CTNNA3: variants seen among roughly 807,000 people sequenced by gnomAD.
The protein encoded by CTNNA3 is catenin alpha 3.
CTNNA3 carries 76 observed loss-of-function variants against 95.7 expected under a neutral mutation model. That is an observed-to-expected ratio of 0.79 (90% CI 0.66 to 0.96). CTNNA3 has a LOEUF of 0.96. CTNNA3 is among the 40% of genes least tolerant of loss of function. CTNNA3 has a pLI of 0.00. For synonymous variants in CTNNA3, 431 were observed against 374.4 expected (o/e 1.15, Z -1.74); for missense variants, 1,191 against 1,089.8 (o/e 1.09, Z -1.31).
chr10:65,982,142 A>G (rs2078332534), intron 16 of CTNNA3, among the ~76,000 whole-genome samples: 1 of 151,794 alleles, frequency 6.6e-6, no homozygotes, highest in Non-Finnish European at 1.5e-5. Flanking sequence ...TAACTCAAAC[A>G]AATCAGCAAG....
chr10:66,683,612 G>T (rs1260127077), intron 9 of CTNNA3, among the ~76,000 whole-genome samples: 1 of 149,858 alleles, frequency 6.7e-6, no homozygotes, highest in Non-Finnish European at 1.5e-5. Flanking sequence ...CATTAATGCA[G>T]TAATGTGCTA....
intron 11 of CTNNA3, among the ~76,000 whole-genome samples, chr10:66,452,644 G>T (rs538657164): frequency 6.6e-6 from 1 of 152,100 alleles, no homozygotes; most frequent in Admixed American, 6.6e-5. Context: ...CAGAAATCAT[G>T]CAGCCAGAGG....
intron 7 of CTNNA3, among the ~76,000 whole-genome samples, chr10:66,891,007 T>C (rs934038942): frequency 6.6e-6 from 1 of 152,082 alleles, no homozygotes; most frequent in East Asian, 1.9e-4. Context: ...TAAGGTATAG[T>C]TCATATTAAA....
chr10:67,458,553 T>C (rs1002209719), intron 5 of CTNNA3, among the ~76,000 whole-genome samples: 2 of 151,910 alleles, frequency 1.3e-5, no homozygotes, highest in African/African-American at 4.8e-5. Context: ...CAGTGATGAA[T>C]CTCAAGGGAA....
At chr10:67,043,902 A>C (rs1299102625) in intron 7 of CTNNA3, among the ~76,000 whole-genome samples, 1 of 151,226 alleles carries the variant, frequency 6.6e-6, no homozygotes, top group East Asian at 2.0e-4. Flanking sequence ...CAATTGGAGA[A>C]TTTTAATGCA....
chr10:66,173,155 G>T (rs536711312), intron 13 of CTNNA3, among the ~76,000 whole-genome samples: 42 of 152,250 alleles, frequency 2.8e-4, no homozygotes, highest in African/African-American at 8.9e-4. Flanking sequence ...TTCACTAAGT[G>T]AATAAGAATA....
intron 6 of CTNNA3, among the ~76,000 whole-genome samples, chr10:67,206,656 C>A (rs73262298): frequency 6.7e-6 from 1 of 148,520 alleles, no homozygotes; most frequent in East Asian, 2.1e-4. Flanking sequence ...GAAGAAAAGA[C>A]CTTCAAAAAA....
intron 13 of CTNNA3, among the ~76,000 whole-genome samples, chr10:66,169,767 T>C (rs1002094822): frequency 6.6e-6 from 1 of 152,232 alleles, no homozygotes; most frequent in Non-Finnish European, 1.5e-5. Flanking sequence ...ATTTCCCTGA[T>C]CATTAGTGAT....
rs1025771850 is a variant in CTNNA3, at chr10:67,579,415, G to A, written c.292+27442C>T. Among the ~76,000 whole-genome samples the A allele has an allele frequency of 3.9e-4, 60 of 152,176 alleles. No homozygotes were observed. In the Middle Eastern group the frequency reaches 0.014, roughly 35 times the overall value. On this transcript the variant is annotated intron_variant, in intron 3 of 17. Transcript: ENST00000433211. ...TTTTTATGGCTGCATACTATTCCAT[G>A]GGGTATATGTGCCACATTTTCTTAA...
rs568489638 is a variant in CTNNA3 at position 66,083,624 on chromosome 10, G to T, written c.1978-14135C>A. Among the ~76,000 whole-genome samples the T allele has an allele frequency of 5.3e-5, 8 of 152,300 alleles. No individual in the cohort carries two copies. The South Asian group carries it at 1.7e-3, about 32-fold the overall frequency. On this transcript the variant is annotated intron_variant, in intron 14 of 17. Transcript: ENST00000433211. ...ACAGATGCAGAGTGATATGGTCTTG[G>T]TAAAGAGGCAACTAAGGTCTGGCTT...
chr10:67,316,996 T>G (rs1197170859), intron 5 of CTNNA3, among the ~76,000 whole-genome samples: 1 of 152,148 alleles, frequency 6.6e-6, no homozygotes, highest in Non-Finnish European at 1.5e-5. Context: ...TTAGCACACA[T>G]ATACCACCGA....
Position 66,199,399 on chromosome 10 carries a change from C to T in CTNNA3, c.1884+81071G>A, listed in dbSNP as rs1298140980. The stretch of plus-strand genomic sequence containing the variant: ...GTGTTTTTGTTTGTTTGTTTTTAAG[C>T]ACACAAAGGGAATGCATTTGTGTAT... On this transcript the variant is annotated intron_variant, in intron 13 of 17. Transcript: ENST00000433211. Among the ~76,000 whole-genome samples, 4 of 151,242 alleles carry T rather than the reference C, an allele frequency of 2.6e-5. No homozygotes were observed. In the South Asian group the frequency reaches 8.3e-4, roughly 32 times the overall value.
At chr10:66,299,380 G>A (rs1022478035) in intron 12 of CTNNA3, among the ~76,000 whole-genome samples, 7 of 152,126 alleles carry the variant, frequency 4.6e-5, no homozygotes, top group African/African-American at 1.7e-4. Context: ...TACCATGGGG[G>A]TAGAAGAATA....
At chr10:66,336,533 G>C (rs959020100) in intron 12 of CTNNA3, among the ~76,000 whole-genome samples, 2 of 152,162 alleles carry the variant, frequency 1.3e-5, no homozygotes, top group East Asian at 3.9e-4. Context: ...CATAGTTTAA[G>C]ACATTCCTTA....
chr10:66,348,012 C>T (rs180948173), intron 12 of CTNNA3, among the ~76,000 whole-genome samples: 31 of 152,062 alleles, frequency 2.0e-4, no homozygotes, highest in Admixed American at 6.5e-4. Context: ...AAAATGAATC[C>T]GCACTTAGAC....
At chr10:67,579,152 G>C (rs1000728259) in intron 3 of CTNNA3, among the ~76,000 whole-genome samples, 3 of 148,024 alleles carry the variant, frequency 2.0e-5, no homozygotes, top group Non-Finnish European at 3.0e-5. Context: ...GTGCTGCACC[G>C]ATTAACTCAT....
chr10:66,118,660 C>T (rs902428296), intron 13 of CTNNA3, among the ~76,000 whole-genome samples: 27 of 152,080 alleles, frequency 1.8e-4, no homozygotes, highest in African/African-American at 6.0e-4. Flanking sequence ...CCCTGCAGAT[C>T]TCATCCACTA....
At chr10:66,044,907 T>C (rs1320886850) in intron 15 of CTNNA3, among the ~76,000 whole-genome samples, 1 of 152,202 alleles carries the variant, frequency 6.6e-6, no homozygotes, top group East Asian at 1.9e-4. Flanking sequence ...ATTTTAATAA[T>C]GACAAAATTG....
At chr10:66,225,141 C>T (rs2089202227) in intron 13 of CTNNA3, among the ~76,000 whole-genome samples, 1 of 151,738 alleles carries the variant, frequency 6.6e-6, no homozygotes, top group African/African-American at 2.4e-5. Context: ...CCTATTCCTC[C>T]TTTATTGCAT....
Sources: gnomAD v4.1 joint callset for allele counts (sites outside exome capture counted in the v4.1 genomes callset) on GRCh38, gnomAD v4.1.1 for gene constraint, MANE v1.5 for transcripts, NCBI Gene and HGNC (gene_info 2026-07-23, HGNC 2026-07-21) for gene names.